The following PARD3B variants were observed in gnomAD, a reference collection of about 807,000 sequenced individuals.
PARD3B encodes the protein partitioning defective 3 homolog B.
A neutral mutation model predicts 130.2 loss-of-function variants in PARD3B; 103 were observed. That is an observed-to-expected ratio of 0.79 (90% CI 0.67 to 0.93). PARD3B has a LOEUF of 0.93. Ranked by LOEUF, PARD3B falls within the 40% of genes least tolerant of loss-of-function variation. PARD3B has a pLI of 0.00. For synonymous variants in PARD3B, 583 were observed against 553.2 expected (o/e 1.05, Z -0.76); for missense variants, 1,609 against 1,499.2 (o/e 1.07, Z -1.21).
At chr2:205,343,616 C>T (rs1367444524) in intron 18 of PARD3B, among the ~76,000 whole-genome samples, 1 of 152,188 alleles carries the variant, frequency 6.6e-6, no homozygotes, top group African/African-American at 2.4e-5. Flanking sequence ...CTCTGACCAT[C>T]TGTAAAATTA....
chr2:205,073,768 C>T (rs190055158), intron 4 of PARD3B, among the ~76,000 whole-genome samples: 1 of 152,194 alleles, frequency 6.6e-6, no homozygotes, highest in East Asian at 1.9e-4. Context: ...GCCCTAGGCA[C>T]ATGTATGACA....
chr2:204,942,315 T>C (rs1280900352), intron 2 of PARD3B, among the ~76,000 whole-genome samples: 1 of 152,152 alleles, frequency 6.6e-6, no homozygotes, highest in East Asian at 1.9e-4. Context: ...AGTCAAAATA[T>C]TTTTTTCTTT....
chr2:205,027,284 G>A (rs1697103996), intron 3 of PARD3B, among the ~76,000 whole-genome samples: 1 of 151,896 alleles, frequency 6.6e-6, no homozygotes, highest in Non-Finnish European at 1.5e-5. Context: ...TCTCATTGTG[G>A]TTTTGATTTG....
chr2:204,936,722 T>G (rs1192021677), intron 2 of PARD3B, among the ~76,000 whole-genome samples: 3 of 152,244 alleles, frequency 2.0e-5, no homozygotes, highest in Non-Finnish European at 4.4e-5. Flanking sequence ...CTTGTTTTAA[T>G]ATGAGTTTAG....
rs149151537 is a variant in PARD3B at position 205,116,265 on chromosome 2, A to G, written c.681-2656A>G. On this transcript the variant is annotated intron_variant, in intron 6 of 22. Transcript: ENST00000406610. The surrounding 1 kb of genome is among the most constrained non-coding windows in gnomAD (Gnocchi z 4.5). ...ATTCGTTTCAGTACAGATGCATAATATGCCTCAGTTTCATAGGGAAGACAG... is the reference window on the plus strand; with the variant it reads ...ATTCGTTTCAGTACAGATGCATAATGTGCCTCAGTTTCATAGGGAAGACAG... Among the ~76,000 whole-genome samples, 81 of 152,324 alleles carry G rather than the reference A, an allele frequency of 5.3e-4. No individual in the cohort carries two copies. Among genetic ancestry groups the G allele is most frequent in the African/African-American group, 1.8e-3 (76 of 41,568 alleles).
intron 2 of PARD3B, among the ~76,000 whole-genome samples, chr2:204,922,661 CG>C (rs2047726543): frequency 6.7e-6 from 1 of 149,158 alleles, no homozygotes; most frequent in African/African-American, 2.5e-5. Flanking sequence ...TTAAAGGAAA[CG>C]TGACTACAAA....
chr2:204,950,453 T>G (rs1689676852), intron 2 of PARD3B, among the ~76,000 whole-genome samples: 1 of 152,152 alleles, frequency 6.6e-6, no homozygotes, highest in Non-Finnish European at 1.5e-5. Flanking sequence ...GTTCTCAACC[T>G]TGAAGGATTC....
At chr2:205,478,186 G>A (rs1031303369) in intron 20 of PARD3B, among the ~76,000 whole-genome samples, 6 of 152,214 alleles carry the variant, frequency 3.9e-5, no homozygotes, top group African/African-American at 1.4e-4. Context: ...TCAGCGAAGA[G>A]TAAAGCCTTG....
intron 19 of PARD3B, among the ~76,000 whole-genome samples, chr2:205,427,235 C>G (rs1186635787): frequency 6.6e-6 from 1 of 152,214 alleles, no homozygotes; most frequent in East Asian, 1.9e-4. Context: ...GTGTGTTTCT[C>G]TTTGACCCAG....
Position 204,545,940 on chromosome 2 carries a change from C to T in PARD3B, c.-60C>T. On this transcript the variant is annotated 5_prime_UTR_variant, in exon 1 of 23. Transcript: ENST00000406610. ...CCCGGGCGTCCTCCGAGAGTGGGGG[C>T]TGCGCCCGCGGGGTCAGACACCTGT... is the stretch of plus-strand genomic sequence containing the variant. 6.8e-7 allele frequency: 1 copy of T among 1,465,612 alleles called. No homozygotes were observed. The highest frequency in any genetic ancestry group is 1.4e-5 in the South Asian group (1 of 72,250). 90.8% of individuals were successfully genotyped at this position (1,465,612 alleles called of 1,614,324 possible). A position where few individuals can be genotyped will look rare whatever the true frequency, so the allele number is the denominator to read the frequency against.
chr2:205,185,662 T>C, intron 13 of PARD3B, 102 bp from the exon 14 acceptor site: 2 of 851,068 alleles, frequency 2.3e-6, no homozygotes, highest in Admixed American at 1.9e-5. Flanking sequence ...GGCTGGTTTA[T>C]GTGTTGGCTA....
At chr2:204,818,007 G>A (rs753887916) in intron 2 of PARD3B, among the ~76,000 whole-genome samples, 36 of 152,098 alleles carry the variant, frequency 2.4e-4, no homozygotes, top group Middle Eastern at 3.2e-3. Flanking sequence ...TCTTAAGGGA[G>A]AAATTTATTT....
rs543443909 is a variant in PARD3B at position 204,677,638 on chromosome 2, T to C, written c.121-8543T>C. Among the ~76,000 whole-genome samples the C allele has an allele frequency of 2.8e-4, 42 of 152,330 alleles. No homozygotes were observed. The highest frequency in any genetic ancestry group is 6.8e-3 in the Middle Eastern group (2 of 294). On this transcript the variant is annotated intron_variant, in intron 1 of 22. Transcript: ENST00000406610. This position sits in a 1 kb window ranked among gnomAD's most constrained non-coding sequence, Gnocchi z 4.1. ...ACCACTTTGGCACAGAGTGAAACGA[T>C]TCCTTGTTCTGTTCTCACACAGTCC...
At chr2:205,327,926 T>A (rs2105760073) in intron 18 of PARD3B, among the ~76,000 whole-genome samples, 1 of 152,314 alleles carries the variant, frequency 6.6e-6, no homozygotes, top group African/African-American at 2.4e-5. Flanking sequence ...GGTCCATTTT[T>A]ATTTTTTCTG....
rs757755486 is a variant in PARD3B, at chr2:205,384,204, A to G, written c.2631-16809A>G. On this transcript the variant is annotated intron_variant, in intron 18 of 22. Transcript: ENST00000406610. ...AATCTTCACATAATCTGCAAGCCTT[A>G]TAATAGCTACTTCTTCTTCCCTCAA... Among the ~76,000 whole-genome samples the G allele has an allele frequency of 7.2e-5, 11 of 152,108 alleles. 1 individual carries two copies. The highest frequency in any genetic ancestry group is 1.6e-4 in the Non-Finnish European group (11 of 67,996).
Position 204,546,264 on chromosome 2 carries a change from C to G in PARD3B, c.120+145C>G. ...TGCAGCTGTTGTCTATTGCTAATAT[C>G]AGTGATGTGGGTGTCTTTGGGTGTT... On this transcript the variant is annotated intron_variant, in intron 1 of 22. Coordinates refer to ENST00000406610, the MANE Select transcript of PARD3B (RefSeq NM_001302769.2). The G allele has an allele frequency of 9.2e-6, 11 of 1,194,738 alleles. No individual in the cohort carries two copies. In the South Asian group the frequency reaches 1.5e-4, roughly 16 times the overall value. The allele number at this position is 1,194,738 out of a possible 1,614,324, so 74.0% of individuals were successfully genotyped here.
chr2:204,837,933 G>A (rs1471335588), intron 2 of PARD3B, among the ~76,000 whole-genome samples: 1 of 152,024 alleles, frequency 6.6e-6, no homozygotes, highest in African/African-American at 2.4e-5. Context: ...CCCCCAGTTT[G>A]GTTCATTCAG....
chr2:205,053,038 T>C (rs1213379214), intron 4 of PARD3B, among the ~76,000 whole-genome samples: 1 of 152,118 alleles, frequency 6.6e-6, no homozygotes, highest in Non-Finnish European at 1.5e-5. Flanking sequence ...GTGAGGATAG[T>C]GGCAGGTGGC....
rs1464035211 is a variant in PARD3B at position 205,617,437 on chromosome 2, G to C, written c.*1624G>C. On this transcript the variant is annotated 3_prime_UTR_variant, in exon 23 of 23. Coordinates refer to ENST00000406610, the MANE Select transcript of PARD3B (RefSeq NM_001302769.2). ...GGATTTAATAAATTATAGTATTATT[G>C]AATACATAGGACATCCCTCTACCCC... The C allele has an allele frequency of 6.6e-6, 1 of 151,902 alleles. No homozygotes were observed. The highest frequency in any genetic ancestry group is 1.5e-5 in the Non-Finnish European group (1 of 68,008). 9.4% of individuals were successfully genotyped at this position (151,902 alleles called of 1,614,324 possible).
Sources: gnomAD v4.1 joint callset for allele counts (sites outside exome capture counted in the v4.1 genomes callset) on GRCh38, gnomAD v4.1.1 for gene constraint, Gnocchi (gnomAD v3.1) non-coding constraint, MANE v1.5 for transcripts, NCBI Gene and HGNC (gene_info 2026-07-23, HGNC 2026-07-21) for gene names.